Variants in MICU1 observed in about 807,000 individuals in gnomAD.
The protein encoded by MICU1 is mitochondrial calcium uptake 1.
MICU1 carries 45 observed loss-of-function variants against 56.8 expected under a neutral mutation model. The observed-to-expected ratio is 0.79, with a 90% CI of 0.62 to 1.02. The LOEUF (loss-of-function observed/expected upper bound fraction) is 1.02, where lower values mean the gene tolerates loss of function less well. MICU1 is among the 50% of genes least tolerant of loss of function. The pLI, the probability that MICU1 is intolerant of heterozygous loss-of-function variation, is 0.00. For synonymous variants in MICU1, 186 were observed against 195.1 expected, an observed-to-expected ratio of 0.95 and a Z score of 0.39; for missense variants, 504 against 587.1, an observed-to-expected ratio of 0.86 and a Z score of 1.46.
intron 6 of MICU1, among the ~76,000 whole-genome samples, chr10:72,491,045 A>G (rs1404546531): frequency 6.6e-6 from 1 of 152,210 alleles, no homozygotes; most frequent in African/African-American, 2.4e-5. Flanking sequence ...GGACAGTCCC[A>G]TAAAAGGCCA....
At chr10:72,538,269 T>C (rs527402398) in intron 4 of MICU1, among the ~76,000 whole-genome samples, 2 of 152,176 alleles carry the variant, frequency 1.3e-5, no homozygotes, top group East Asian at 1.9e-4. Flanking sequence ...AGATCTGCAA[T>C]GTATATCACA....
At chr10:72,558,467 A>G (rs1840213198) in intron 3 of MICU1, among the ~76,000 whole-genome samples, 1 of 152,178 alleles carries the variant, frequency 6.6e-6, no homozygotes, top group South Asian at 2.1e-4. Context: ...GCAGAAAAGG[A>G]GGCATGAACC....
At chr10:72,384,036 C>G (rs1196215907) in intron 10 of MICU1, among the ~76,000 whole-genome samples, 1 of 152,070 alleles carries the variant, frequency 6.6e-6, no homozygotes, top group African/African-American at 2.4e-5. Context: ...CTCTGTTGCT[C>G]AGGCTGGAGT....
intron 1 of MICU1, among the ~76,000 whole-genome samples, chr10:72,572,335 A>C (rs1840632236): frequency 6.6e-6 from 1 of 152,212 alleles, no homozygotes; most frequent in African/African-American, 2.4e-5. Context: ...CTATGGCTCT[A>C]GGGGATTTCA....
chr10:72,464,362 G>A (rs950589226), intron 8 of MICU1, among the ~76,000 whole-genome samples: 4 of 148,660 alleles, frequency 2.7e-5, no homozygotes, highest in African/African-American at 5.0e-5. Context: ...ACGTGTGCTC[G>A]CACGCGCACA....
chr10:72,533,732 C>A lies in MICU1; in HGVS notation c.537+14G>T. On this transcript the variant is annotated intron_variant, in intron 5 of 11. Transcript: ENST00000361114. The stretch of plus-strand genomic sequence containing the variant: ...TGATAGGATATATGTATAGAAGTGT[C>A]ATAGTTTGCTCACCTTTCCATCAAA... 1 of 1,585,642 alleles carries A rather than the reference C, an allele frequency of 6.3e-7. No homozygotes were observed. Among genetic ancestry groups the A allele is most frequent in the South Asian group, 1.1e-5 (1 of 88,424 alleles).
At chr10:72,623,185 C>T (rs1842145227) in intron 1 of MICU1, among the ~76,000 whole-genome samples, 1 of 150,174 alleles carries the variant, frequency 6.7e-6, no homozygotes, top group Non-Finnish European at 1.5e-5. Context: ...GCAGAAGAAT[C>T]ACTTGAACCC....
At chr10:72,563,148 C>G in intron 2 of MICU1, 85 bp from the exon 3 acceptor site, 1 of 1,028,740 alleles carries the variant, frequency 9.7e-7, no homozygotes, top group Non-Finnish European at 1.3e-6. Context: ...CTTAGCAGAG[C>G]AACAGCAATG....
At chr10:72,501,836 C>T (rs1867077782) in intron 6 of MICU1, 1 of 152,036 alleles carries the variant, frequency 6.6e-6, no homozygotes, top group African/African-American at 2.4e-5. Flanking sequence ...GGATACGTGT[C>T]CTAGAAACTC....
chr10:72,608,196 G>C (rs531029416), intron 1 of MICU1, among the ~76,000 whole-genome samples: 1 of 152,260 alleles, frequency 6.6e-6, no homozygotes, highest in Non-Finnish European at 1.5e-5. Context: ...AGCCTCCTGA[G>C]TAGCTGCGAT....
intron 6 of MICU1, among the ~76,000 whole-genome samples, chr10:72,487,525 G>A (rs1293565693): frequency 6.6e-6 from 1 of 152,050 alleles, no homozygotes; most frequent in East Asian, 1.9e-4. Context: ...TGGTCAAGCC[G>A]AAGACCAGTG....
intron 4 of MICU1, among the ~76,000 whole-genome samples, chr10:72,534,484 T>A (rs1271837393): frequency 6.6e-6 from 1 of 152,164 alleles, no homozygotes; most frequent in Admixed American, 6.5e-5. Flanking sequence ...AAAGTCACAA[T>A]TTAGTTAGAA....
Position 72,614,138 on chromosome 10 carries a change from C to T in MICU1, c.-2+11872G>A, listed in dbSNP as rs148131388. 5.9e-5 allele frequency among the ~76,000 whole-genome samples: 9 copies of T among 151,812 alleles called. No homozygotes were observed. The East Asian group carries it at 1.7e-3, about 29-fold the overall frequency. The stretch of plus-strand genomic sequence containing the variant: ...AGCCTGGGCAACAAGAACAAAACTC[C>T]ATCCCCAAAAATAAAACAAAAACAC... On this transcript the variant is annotated intron_variant, in intron 1 of 11. Transcript: ENST00000361114.
intron 6 of MICU1, among the ~76,000 whole-genome samples, chr10:72,506,243 G>C (rs1415785621): frequency 6.6e-6 from 1 of 152,160 alleles, no homozygotes; most frequent in Non-Finnish European, 1.5e-5. Context: ...AAGTGGTTAA[G>C]GGAGCTATGC....
At chr10:72,477,088 C>A (rs1263148082) in intron 7 of MICU1, 86 bp downstream of exon 7, 28 of 1,010,956 alleles carry the variant, frequency 2.8e-5, no homozygotes, top group Non-Finnish European at 3.7e-5. Context: ...TCTGAGTATA[C>A]TGACCAAGGC....
intron 1 of MICU1, among the ~76,000 whole-genome samples, chr10:72,620,235 T>G (rs1300556598): frequency 6.6e-6 from 1 of 152,136 alleles, no homozygotes; most frequent in Non-Finnish European, 1.5e-5. Flanking sequence ...CCCAGGCTGG[T>G]GTACAGTAGT....
At chr10:72,435,933 C>T (rs1864701093) in intron 8 of MICU1, among the ~76,000 whole-genome samples, 2 of 152,250 alleles carry the variant, frequency 1.3e-5, no homozygotes, top group Non-Finnish European at 2.9e-5. Flanking sequence ...AGGCCTACTG[C>T]CTCTAGACTA....
At chr10:72,616,284 A>G (rs1841977943) in intron 1 of MICU1, among the ~76,000 whole-genome samples, 1 of 152,192 alleles carries the variant, frequency 6.6e-6, no homozygotes, top group East Asian at 1.9e-4. Context: ...TGATTAAATT[A>G]GTAGGGAACA....
At chr10:72,406,111 TAGA>T (rs1326687095) in intron 10 of MICU1, among the ~76,000 whole-genome samples, 22 of 151,946 alleles carry the variant, frequency 1.4e-4, no homozygotes, top group African/African-American at 5.3e-4. Context: ...ACAAAACAAC[TAGA>T]AGAATAAGTG....
Sources: gnomAD v4.1 joint callset for allele counts (sites outside exome capture counted in the v4.1 genomes callset) on GRCh38, gnomAD v4.1.1 for gene constraint, MANE v1.5 for transcripts, NCBI Gene and HGNC (gene_info 2026-07-23, HGNC 2026-07-21) for gene names.